The following BMPR1A variants were observed in gnomAD, a reference collection of about 807,000 sequenced individuals.
The protein encoded by BMPR1A is bone morphogenetic protein receptor type-1A.
In BMPR1A, 7 loss-of-function variants were observed where a neutral mutation model predicts 66.0. The ratio of observed to expected loss-of-function variants is 0.11; its 90% CI spans 0.06 to 0.20. The LOEUF (loss-of-function observed/expected upper bound fraction) is 0.20. BMPR1A is among the 10% of genes least tolerant of loss of function. The pLI is 1.00. For synonymous variants in BMPR1A, 200 were observed against 229.7 expected, an observed-to-expected ratio of 0.87 and a Z score of 1.17; for missense variants, 408 against 669.1, an observed-to-expected ratio of 0.61 and a Z score of 4.31.
At chr10:86,922,068 C>T (rs1843673388) in intron 11 of BMPR1A, among the ~76,000 whole-genome samples, 1 of 152,168 alleles carries the variant, frequency 6.6e-6, no homozygotes, top group Non-Finnish European at 1.5e-5. Flanking sequence ...TGCTACCCTT[C>T]CCAACCTCTG....
chr10:86,760,539 A>G (rs1456054107), intron 1 of BMPR1A, among the ~76,000 whole-genome samples: 1 of 151,886 alleles, frequency 6.6e-6, no homozygotes, highest in Non-Finnish European at 1.5e-5. Context: ...GCTGGCCTTT[A>G]TAGCAGTTTT....
intron 1 of BMPR1A, among the ~76,000 whole-genome samples, chr10:86,786,570 GTCT>G (rs1302833694): frequency 1.3e-5 from 2 of 152,160 alleles, no homozygotes; most frequent in Admixed American, 6.5e-5. Flanking sequence ...CCCCATCTCA[GTCT>G]TTTGTCACAG....
intron 1 of BMPR1A, among the ~76,000 whole-genome samples, chr10:86,811,446 T>C (rs577872067): frequency 6.6e-6 from 1 of 152,350 alleles, no homozygotes; most frequent in African/African-American, 2.4e-5. Flanking sequence ...TTTTAATGGA[T>C]GGATTCTCCC....
intron 5 of BMPR1A, among the ~76,000 whole-genome samples, chr10:86,897,015 C>T (rs1300135764): frequency 6.6e-6 from 1 of 152,200 alleles, no homozygotes; most frequent in Non-Finnish European, 1.5e-5. Flanking sequence ...GTGAGTGCCT[C>T]TCACCAGGCC....
intron 1 of BMPR1A, among the ~76,000 whole-genome samples, chr10:86,828,488 C>A (rs1842226453): frequency 6.6e-6 from 1 of 152,174 alleles, no homozygotes; most frequent in Non-Finnish European, 1.5e-5. Context: ...AGATCTGAAA[C>A]AAATAGCAGC....
At chr10:86,855,669 A>T in intron 2 of BMPR1A, 1 of 697,988 alleles carries the variant, frequency 1.4e-6, no homozygotes, top group Non-Finnish European at 2.6e-6. Context: ...TCTAATTTGC[A>T]ATTGCCTAAC....
chr10:86,915,931 T>A (rs1253901806), intron 8 of BMPR1A, among the ~76,000 whole-genome samples: 1 of 152,170 alleles, frequency 6.6e-6, no homozygotes. Context: ...ATTAAAGTAC[T>A]TCTGATATTG....
intron 9 of BMPR1A, among the ~76,000 whole-genome samples, chr10:86,918,051 T>C (rs1200878198): frequency 6.6e-6 from 1 of 152,096 alleles, no homozygotes; most frequent in African/African-American, 2.4e-5. Context: ...TGGCTACTGG[T>C]TGGTGGCCAG....
chr10:86,793,093 T>TCC (rs1188686496), intron 1 of BMPR1A, among the ~76,000 whole-genome samples: 5 of 129,964 alleles, frequency 3.8e-5, no homozygotes, highest in African/African-American at 6.1e-5. Context: ...TCCTGATCTA[T>TCC]ACCCCCCCCC....
Position 86,890,189 on chromosome 10 carries a change from G to A in BMPR1A, c.195G>A (p.Gly65=), listed in dbSNP as rs765437517. 6.2e-7 allele frequency: 1 copy of A among 1,614,088 alleles called. No individual in the cohort carries two copies. Among genetic ancestry groups the A allele is most frequent in the East Asian group, 2.2e-5 (1 of 44,866 alleles). The change falls in exon 4 of 13, where the codon GGG becomes GGA. Residue 65 remains glycine (G), a synonymous_variant. Coordinates refer to ENST00000372037, the MANE Select transcript of BMPR1A (RefSeq NM_004329.3). ...CTTTTTTAAAGTGCTATTGCTCAGG[G>A]CACTGTCCAGATGATGCTATTAATA... is the stretch of plus-strand genomic sequence containing the variant. The part of the protein sequence containing the change: ...TLPFLKCYCS[G]HCPDDAINNT...
intron 2 of BMPR1A, among the ~76,000 whole-genome samples, chr10:86,845,401 G>T (rs936627563): frequency 2.2e-4 from 34 of 152,286 alleles, no homozygotes; most frequent in Middle Eastern, 3.4e-3. Flanking sequence ...TTAATTGAAG[G>T]TTGCTCCGTG....
chr10:86,857,327 TA>T (rs1564704903), intron 2 of BMPR1A, among the ~76,000 whole-genome samples: 3 of 152,166 alleles, frequency 2.0e-5, no homozygotes, highest in Non-Finnish European at 4.4e-5. Context: ...AAGGCATTCC[TA>T]CTACCAAGGA....
chr10:86,921,112 C>T (rs1454871421), intron 10 of BMPR1A, among the ~76,000 whole-genome samples: 1 of 152,094 alleles, frequency 6.6e-6, no homozygotes, highest in Non-Finnish European at 1.5e-5. Flanking sequence ...CCTTGGCCTC[C>T]CAAAGTGCTG....
chr10:86,833,750 G>A (rs1193178674), intron 1 of BMPR1A, among the ~76,000 whole-genome samples: 1 of 152,154 alleles, frequency 6.6e-6, no homozygotes, highest in African/African-American at 2.4e-5. Context: ...TAAATTTAGG[G>A]CAGTTTACAT....
intron 1 of BMPR1A, among the ~76,000 whole-genome samples, chr10:86,831,081 A>G (rs1411893580): frequency 1.3e-5 from 2 of 152,194 alleles, no homozygotes; most frequent in Middle Eastern, 3.2e-3. Context: ...TTAAGGTTGA[A>G]TAATGTTCCA....
chr10:86,818,924 A>T (rs1399369893), intron 1 of BMPR1A, among the ~76,000 whole-genome samples: 1 of 152,134 alleles, frequency 6.6e-6, no homozygotes, highest in African/African-American at 2.4e-5. Flanking sequence ...CTGTATGCTG[A>T]GGTTTAGATT....
intron 8 of BMPR1A, among the ~76,000 whole-genome samples, chr10:86,912,950 A>G (rs147211310): frequency 0.018 from 2,692 of 151,350 alleles, 86 homozygotes; most frequent in African/African-American, 0.062. Context: ...GGTATCAGGG[A>G]AAAAAAAATA....
chr10:86,875,292 G>A (rs1187527892), intron 2 of BMPR1A, among the ~76,000 whole-genome samples: 1 of 152,012 alleles, frequency 6.6e-6, no homozygotes, highest in Non-Finnish European at 1.5e-5. Flanking sequence ...AGAATCACTT[G>A]AACCCAGGAG....
At chr10:86,917,950 C>G (rs573893067) in intron 9 of BMPR1A, among the ~76,000 whole-genome samples, 2 of 152,294 alleles carry the variant, frequency 1.3e-5, no homozygotes, top group Non-Finnish European at 2.9e-5. Flanking sequence ...CGTATTCACT[C>G]AGTTTTCGAG....
Sources: gnomAD v4.1 joint callset for allele counts (sites outside exome capture counted in the v4.1 genomes callset) on GRCh38, gnomAD v4.1.1 for gene constraint, MANE v1.5 for transcripts, NCBI Gene and HGNC (gene_info 2026-07-23, HGNC 2026-07-21) for gene names.